The following GLIS3 variants were observed in gnomAD, a reference collection of about 807,000 sequenced individuals.
GLIS3 encodes GLIS family zinc finger 3.
A neutral mutation model predicts 78.6 loss-of-function variants in GLIS3; 53 were observed. The ratio of observed to expected loss-of-function variants is 0.67; its 90% CI spans 0.54 to 0.85. The LOEUF (loss-of-function observed/expected upper bound fraction) is 0.85, where lower values mean the gene tolerates loss of function less well. Ranked by LOEUF, GLIS3 falls within the 40% of genes least tolerant of loss-of-function variation. The pLI, the probability that GLIS3 is intolerant of heterozygous loss-of-function variation, is 0.00. For synonymous variants in GLIS3, 684 were observed against 509.9 expected (o/e 1.34, Z -4.60); for missense variants, 1,703 against 1,231.1 (o/e 1.38, Z -5.74).
At chr9:3,898,154 T>C (rs910475423) in intron 7 of GLIS3, 4 of 168,356 alleles carry the variant, frequency 2.4e-5, no homozygotes, top group Non-Finnish European at 5.2e-5. Flanking sequence ...TTTCCAAATA[T>C]AGTCACCTAT....
At chr9:4,174,472 T>A (rs1366718809) in intron 2 of GLIS3, among the ~76,000 whole-genome samples, 1 of 152,158 alleles carries the variant, frequency 6.6e-6, no homozygotes, top group African/African-American at 2.4e-5. Context: ...ATACATAGGG[T>A]ACAAATACCA....
intron 2 of GLIS3, among the ~76,000 whole-genome samples, chr9:4,257,342 G>C (rs955563302): frequency 1.3e-5 from 2 of 152,118 alleles, no homozygotes; most frequent in Non-Finnish European, 2.9e-5. Context: ...GGGGATGTGA[G>C]ATGCAAGTCA....
chr9:4,107,073 G>A (rs1830812676), intron 4 of GLIS3, among the ~76,000 whole-genome samples: 4 of 152,116 alleles, frequency 2.6e-5, no homozygotes, highest in Admixed American at 6.6e-5. Context: ...AGTTATAGGA[G>A]CCAGCACTGG....
At chr9:4,029,583 CT>C (rs1823644558) in intron 4 of GLIS3, among the ~76,000 whole-genome samples, 1 of 151,984 alleles carries the variant, frequency 6.6e-6, no homozygotes, top group South Asian at 2.1e-4. Flanking sequence ...CCATCCCTGC[CT>C]GTCCCCCTCC....
At chr9:4,227,819 A>C (rs1048173428) in intron 2 of GLIS3, among the ~76,000 whole-genome samples, 4 of 152,240 alleles carry the variant, frequency 2.6e-5, no homozygotes, top group African/African-American at 9.6e-5. Context: ...ATTCAATTAA[A>C]AAACAATGCT....
At chr9:4,314,919 G>T (rs1326884644) in intron 2 of GLIS3, among the ~76,000 whole-genome samples, 3 of 152,340 alleles carry the variant, frequency 2.0e-5, no homozygotes, top group African/African-American at 7.2e-5. Flanking sequence ...AATAGTGCTG[G>T]AACTCTCAGG....
intron 2 of GLIS3, among the ~76,000 whole-genome samples, chr9:4,202,481 G>C (rs540658659): frequency 6.6e-6 from 1 of 151,320 alleles, no homozygotes; most frequent in African/African-American, 2.4e-5. Context: ...TAAAATTCAC[G>C]TGAAACCAAA....
In GLIS3 at chr9:3,985,796, T is replaced by C. The variant is rs149917698; in HGVS notation, c.1711-48607A>G. Among the ~76,000 whole-genome samples the C allele has an allele frequency of 2.6e-3, 392 of 152,376 alleles. 4 individuals are homozygous for C. The highest frequency in any genetic ancestry group is 8.5e-3 in the African/African-American group (355 of 41,598). ...CAATGGAAGCAGAGGTCATCCACGTTAGAAGCATTTTGTACAAAGTCAAAC... is the reference window on the plus strand; with the variant it reads ...CAATGGAAGCAGAGGTCATCCACGTCAGAAGCATTTTGTACAAAGTCAAAC... On this transcript the variant is annotated intron_variant, in intron 4 of 10. Coordinates refer to ENST00000381971, the MANE Select transcript of GLIS3 (RefSeq NM_001042413.2).
At chr9:4,302,394 C>G (rs1315321318), upstream of GLIS3, among the ~76,000 whole-genome samples, 2 of 152,168 alleles carry the variant, frequency 1.3e-5, no homozygotes, top group Admixed American at 6.5e-5. Context: ...CAGTCCAGTT[C>G]TCATTCATCA....
intron 10 of GLIS3, 33 bp downstream of exon 10, chr9:3,829,277 C>T (rs754920468): frequency 1.9e-6 from 3 of 1,605,584 alleles, no homozygotes; most frequent in Non-Finnish European, 2.6e-6. Context: ...TGTCAGTTGA[C>T]AGGATTTTCT....
chr9:4,109,454 G>T (rs1036459950), intron 4 of GLIS3, among the ~76,000 whole-genome samples: 2 of 152,118 alleles, frequency 1.3e-5, no homozygotes, highest in East Asian at 3.8e-4. Context: ...CTACATTTAC[G>T]TGTTTCCCTA....
chr9:4,441,552 T>C, the GLIS3 span, among the ~76,000 whole-genome samples: 6 of 152,338 alleles, frequency 3.9e-5, no homozygotes, highest in South Asian at 1.2e-3. Context: ...TGCTAGTGTT[T>C]TGTTGAGGAT....
intron 9 of GLIS3, among the ~76,000 whole-genome samples, chr9:3,837,506 T>C (rs927474200): frequency 2.0e-5 from 3 of 152,232 alleles, no homozygotes; most frequent in Admixed American, 6.5e-5. Context: ...CTGCCAAAAT[T>C]TGGAAGCAAC....
chr9:4,065,377 CA>C (rs1206654022), intron 4 of GLIS3, among the ~76,000 whole-genome samples: 1 of 152,210 alleles, frequency 6.6e-6, no homozygotes, highest in Non-Finnish European at 1.5e-5. Context: ...TTTATTTTAA[CA>C]CACTGTATAA....
intron 8 of GLIS3, among the ~76,000 whole-genome samples, chr9:3,874,933 G>A (rs146644724): frequency 2.2e-4 from 34 of 152,234 alleles, no homozygotes; most frequent in African/African-American, 7.9e-4. Flanking sequence ...TTACCTGAAC[G>A]ACAAAGCGCA....
At chr9:4,447,026 T>C in the GLIS3 span, among the ~76,000 whole-genome samples, 42 of 152,056 alleles carry the variant, frequency 2.8e-4, no homozygotes, top group Non-Finnish European at 5.0e-4. Context: ...ATGCCTGTAA[T>C]GGACCTCTAT....
chr9:4,421,221 G>C, the GLIS3 span, among the ~76,000 whole-genome samples: 1 of 152,178 alleles, frequency 6.6e-6, no homozygotes, highest in East Asian at 1.9e-4. Flanking sequence ...GACAGGACCA[G>C]CTTACTAGTG....
chr9:4,209,812 C>T (rs1379484467), intron 2 of GLIS3, among the ~76,000 whole-genome samples: 1 of 73,820 alleles, frequency 1.4e-5, no homozygotes, highest in Non-Finnish European at 2.7e-5. Flanking sequence ...CAGTAGCATT[C>T]CCGCCCCCCC....
intron 4 of GLIS3, among the ~76,000 whole-genome samples, chr9:4,043,591 G>A (rs564428363): frequency 2.0e-5 from 3 of 152,212 alleles, no homozygotes; most frequent in African/African-American, 7.2e-5. Context: ...CTCAGTTATT[G>A]GAGGGCTGGG....
Sources: allele counts gnomAD v4.1 joint callset (sites outside exome capture counted in the v4.1 genomes callset), GRCh38; gene constraint gnomAD v4.1.1; transcripts MANE v1.5; gene names NCBI Gene and HGNC (gene_info 2026-07-23, HGNC 2026-07-21).